The following CLYBL variants were observed in gnomAD, a reference collection of about 807,000 sequenced individuals.
CLYBL encodes citramalyl-CoA lyase, also known as citramalyl-CoA lyase, mitochondrial.
In CLYBL, 31 loss-of-function variants were observed where a neutral mutation model predicts 38.9. That is an observed-to-expected ratio of 0.80 (90% CI 0.60 to 1.08). CLYBL has a LOEUF of 1.08. Among genes scored for constraint, CLYBL ranks in the 50% least tolerant of loss-of-function variants. The pLI is 0.00. For missense variants in CLYBL, 434 were observed against 411.6 expected, an observed-to-expected ratio of 1.05 and a Z score of -0.47; for synonymous variants, 171 against 158.6, an observed-to-expected ratio of 1.08 and a Z score of -0.59.
intron 2 of CLYBL, among the ~76,000 whole-genome samples, chr13:99,774,979 T>C (rs916998620): frequency 5.3e-5 from 8 of 152,354 alleles, no homozygotes; most frequent in Middle Eastern, 6.8e-3. Flanking sequence ...TTCTTATCTG[T>C]ACTGTAGGGA....
chr13:99,793,575 T>A (rs559605400), intron 2 of CLYBL, among the ~76,000 whole-genome samples: 16 of 152,274 alleles, frequency 1.1e-4, no homozygotes, highest in Middle Eastern at 3.4e-3. Flanking sequence ...CAGTAATTGT[T>A]AAAAAATAAA....
At chr13:99,803,536 T>C (rs2050174257) in intron 2 of CLYBL, among the ~76,000 whole-genome samples, 1 of 152,228 alleles carries the variant, frequency 6.6e-6, no homozygotes, top group Non-Finnish European at 1.5e-5. Context: ...GTCCAATACA[T>C]TGGATTTGAT....
intron 2 of CLYBL, among the ~76,000 whole-genome samples, chr13:99,801,333 G>A (rs2050132799): frequency 6.6e-6 from 1 of 152,072 alleles, no homozygotes; most frequent in South Asian, 2.1e-4. Flanking sequence ...CATTAATGTT[G>A]AAGTGCAGTT....
intron 2 of CLYBL, among the ~76,000 whole-genome samples, chr13:99,827,893 C>T (rs1216797437): frequency 6.6e-6 from 1 of 152,186 alleles, no homozygotes; most frequent in African/African-American, 2.4e-5. Flanking sequence ...CCAGAATAGT[C>T]AAAAAGTTGG....
chr13:99,759,614 A>G (rs1594164442), intron 1 of CLYBL, among the ~76,000 whole-genome samples: 2 of 152,106 alleles, frequency 1.3e-5, no homozygotes, highest in Admixed American at 1.3e-4. Flanking sequence ...AGGTAAGGAT[A>G]CCAGACACAG....
intron 2 of CLYBL, among the ~76,000 whole-genome samples, chr13:99,851,823 G>A (rs1042558744): frequency 2.6e-5 from 4 of 152,152 alleles, no homozygotes; most frequent in African/African-American, 9.7e-5. Flanking sequence ...TATGACCCAG[G>A]AATTCTACTT....
At chr13:99,800,783 A>G (rs1038424934) in intron 2 of CLYBL, among the ~76,000 whole-genome samples, 13 of 151,896 alleles carry the variant, frequency 8.6e-5, no homozygotes, top group African/African-American at 3.1e-4. Context: ...CTGAGGCAGG[A>G]GAATCGCGTG....
Position 99,669,428 on chromosome 13 carries a change from T to C in CLYBL, c.62+62671T>C, listed in dbSNP as rs1037915584. 3.9e-5 allele frequency among the ~76,000 whole-genome samples: 6 copies of C among 152,264 alleles called. No individual in the cohort carries two copies. The East Asian group carries it at 1.2e-3, about 29-fold the overall frequency. On this transcript the variant is annotated intron_variant, in intron 1 of 8. Coordinates refer to ENST00000339105, the MANE Select transcript of CLYBL (RefSeq NM_206808.5). ...TTGCAAAAATTCCACAAGCACATTATGCAGTCATTTTTCTAGGAACTGGAG... is the reference window on the plus strand; with the variant it reads ...TTGCAAAAATTCCACAAGCACATTACGCAGTCATTTTTCTAGGAACTGGAG...
At chr13:99,738,668 T>C (rs1236612482) in intron 1 of CLYBL, among the ~76,000 whole-genome samples, 2 of 152,094 alleles carry the variant, frequency 1.3e-5, no homozygotes, top group Admixed American at 6.6e-5. Flanking sequence ...TTGTACATGG[T>C]AAAAAACAAA....
At chr13:99,615,310 C>A (rs1323559024) in intron 1 of CLYBL, among the ~76,000 whole-genome samples, 1 of 152,194 alleles carries the variant, frequency 6.6e-6, no homozygotes, top group East Asian at 1.9e-4. Context: ...ATGCGGGACT[C>A]CCTGTGAGGA....
At chr13:99,612,108 C>A (rs1459764079) in intron 1 of CLYBL, among the ~76,000 whole-genome samples, 1 of 152,204 alleles carries the variant, frequency 6.6e-6, no homozygotes, top group Non-Finnish European at 1.5e-5. Context: ...TCTGTCATCT[C>A]CTTACTGTTT....
At chr13:99,744,176 G>C (rs1210704636) in intron 1 of CLYBL, among the ~76,000 whole-genome samples, 1 of 151,972 alleles carries the variant, frequency 6.6e-6, no homozygotes, top group Non-Finnish European at 1.5e-5. Context: ...GTTTCACCGT[G>C]TTAGTCAGGA....
At chr13:99,845,736 C>CG (rs201450942) in intron 2 of CLYBL, among the ~76,000 whole-genome samples, 1 of 152,150 alleles carries the variant, frequency 6.6e-6, no homozygotes, top group Non-Finnish European at 1.5e-5. Context: ...AGCCACCTCC[C>CG]GGGGGCCTGG....
At chr13:99,777,638 G>A (rs769031319) in intron 2 of CLYBL, among the ~76,000 whole-genome samples, 1 of 151,944 alleles carries the variant, frequency 6.6e-6, no homozygotes, top group African/African-American at 2.4e-5. Flanking sequence ...GATTACAGGC[G>A]CATGCCACCA....
chr13:99,767,313 T>C (rs1445982479), intron 1 of CLYBL, among the ~76,000 whole-genome samples: 1 of 152,176 alleles, frequency 6.6e-6, no homozygotes, highest in African/African-American at 2.4e-5. Flanking sequence ...TATATTTGTT[T>C]TTATTTTTCT....
chr13:99,901,496 C>A (rs1283077226), downstream of CLYBL, among the ~76,000 whole-genome samples: 1 of 151,976 alleles, frequency 6.6e-6, no homozygotes, highest in African/African-American at 2.4e-5. Context: ...ACCAGAGAGA[C>A]CCCGAGAGAG....
intron 2 of CLYBL, among the ~76,000 whole-genome samples, chr13:99,848,154 C>T (rs112467836): frequency 0.012 from 1,797 of 152,246 alleles, 40 homozygotes; most frequent in African/African-American, 0.041. Context: ...AGAGGCCACC[C>T]GAGTCCCAGA....
At position 99,689,785 on chromosome 13, in the gene CLYBL, A is replaced by T. The variant is rs28630466; in HGVS notation, c.62+83028A>T. On this transcript the variant is annotated intron_variant, in intron 1 of 8. Transcript: ENST00000339105. ...TTCAACTTTTTCAAGTATTTTTTTTAAAAGGATTTAACTTTGACCAACACC... is the reference window on the plus strand; with the variant it reads ...TTCAACTTTTTCAAGTATTTTTTTTTAAAGGATTTAACTTTGACCAACACC... 6.2e-5 allele frequency among the ~76,000 whole-genome samples: 8 copies of T among 129,528 alleles called. No homozygotes were observed. In the South Asian group the frequency reaches 1.6e-3, roughly 25 times the overall value. 85.0% of individuals were successfully genotyped at this position (129,528 alleles called of 152,430 possible).
intron 1 of CLYBL, among the ~76,000 whole-genome samples, chr13:99,721,736 C>T (rs959461936): frequency 6.6e-6 from 1 of 150,696 alleles, no homozygotes; most frequent in Non-Finnish European, 1.5e-5. Flanking sequence ...TTTAGGTTGT[C>T]ACTTGTTTCC....
Sources: allele counts gnomAD v4.1 joint callset (sites outside exome capture counted in the v4.1 genomes callset), GRCh38; gene constraint gnomAD v4.1.1; transcripts MANE v1.5; gene names NCBI Gene and HGNC (gene_info 2026-07-23, HGNC 2026-07-21).